LARGE1: variants seen among roughly 807,000 people sequenced by gnomAD.
The protein encoded by LARGE1 is LARGE xylosyl- and glucuronyltransferase 1.
In LARGE1, 43 loss-of-function variants were observed where a neutral mutation model predicts 87.6. That is an observed-to-expected ratio of 0.49 (90% CI 0.38 to 0.63). The LOEUF (loss-of-function observed/expected upper bound fraction) is 0.63, where lower values mean the gene tolerates loss of function less well. LARGE1 is among the 30% of genes least tolerant of loss of function. The probability of loss-of-function intolerance (pLI) is 0.00; values close to 1 mark genes in which losing one functional copy is unlikely to be tolerated. For synonymous variants in LARGE1, 434 were observed against 394.6 expected (o/e 1.10, Z -1.18); for missense variants, 802 against 1,000.2 (o/e 0.80, Z 2.67).
At chr22:33,475,759 T>C (rs749784659) in intron 6 of LARGE1, among the ~76,000 whole-genome samples, 2 of 152,180 alleles carry the variant, frequency 1.3e-5, no homozygotes, top group Non-Finnish European at 2.9e-5. Context: ...CCACCGCACC[T>C]GGCCTAACTC....
intron 5 of LARGE1, 35 bp downstream of exon 5, chr22:33,604,400 G>A (rs2079193888): frequency 1.2e-6 from 2 of 1,613,544 alleles, no homozygotes; most frequent in Non-Finnish European, 8.5e-7. Context: ...TCCAGCTAGA[G>A]GAGATCACGG....
intron 6 of LARGE1, among the ~76,000 whole-genome samples, chr22:33,452,979 G>A (rs2147935202): frequency 6.6e-6 from 1 of 152,302 alleles, no homozygotes; most frequent in Non-Finnish European, 1.5e-5. Context: ...AAGGCAGCAA[G>A]GAACCAGAGA....
intron 11 of LARGE1, among the ~76,000 whole-genome samples, chr22:33,220,693 A>T (rs1007617445): frequency 9.2e-5 from 14 of 152,204 alleles, no homozygotes; most frequent in African/African-American, 3.4e-4. Context: ...GAAGCTGCCC[A>T]TTGACTACTG....
chr22:33,659,455 C>T lies in LARGE1; in HGVS notation c.107-8787G>A, dbSNP rs535361051. On this transcript the variant is annotated intron_variant, in intron 2 of 14. Coordinates refer to ENST00000397394, the MANE Select transcript of LARGE1 (RefSeq NM_133642.5). ...TCCACAGGAGAGCTGAGTCTGCCAA[C>T]GTGTCATCAGCTTTTCTTTTCTAGG... Among the ~76,000 whole-genome samples, 3 of 152,188 alleles carry T rather than the reference C, an allele frequency of 2.0e-5. No individual in the cohort carries two copies. In the East Asian group the frequency reaches 5.8e-4, roughly 29 times the overall value.
At position 33,178,731 on chromosome 22, in the gene LARGE1, C is replaced by G. The variant is rs1328452295; in HGVS notation, c.1731-11899G>C. Reference sequence around the variant, plus strand: ...TAGAGTTGAATAATTTCTAGTATACCAATGTGAATTTAGTACTAATGCTGA... The same window carrying G: ...TAGAGTTGAATAATTTCTAGTATACGAATGTGAATTTAGTACTAATGCTGA... On this transcript the variant is annotated intron_variant, in intron 11 of 11. Transcript: ENST00000608642. Among the ~76,000 whole-genome samples the G allele has an allele frequency of 3.3e-5, 5 of 151,894 alleles. No individual in the cohort carries two copies. The South Asian group carries it at 6.3e-4, about 19-fold the overall frequency.
intron 11 of LARGE1, among the ~76,000 whole-genome samples, chr22:33,193,369 C>T (rs963010838): frequency 6.6e-6 from 1 of 151,838 alleles, no homozygotes. Flanking sequence ...GTAAAGAAAT[C>T]AAAGGAAGAA....
At chr22:33,100,555 T>C in the LARGE1 span, among the ~76,000 whole-genome samples, 1 of 152,060 alleles carries the variant, frequency 6.6e-6, no homozygotes, top group Admixed American at 6.5e-5. Context: ...GGAAGTTTTA[T>C]TGGACTGTAC....
At chr22:33,791,706 T>C (rs1318917222) in intron 1 of LARGE1, among the ~76,000 whole-genome samples, 4 of 152,196 alleles carry the variant, frequency 2.6e-5, no homozygotes, top group East Asian at 1.9e-4. Flanking sequence ...GAAATCATTA[T>C]AGACTTTCAT....
At chr22:33,864,149 G>A (rs545392980) in intron 1 of LARGE1, among the ~76,000 whole-genome samples, 1 of 152,232 alleles carries the variant, frequency 6.6e-6, no homozygotes, top group Admixed American at 6.5e-5. Flanking sequence ...AAGCTGGGAG[G>A]CAGGAAAGGT....
At chr22:33,436,913 A>G (rs2067292808) in intron 6 of LARGE1, among the ~76,000 whole-genome samples, 1 of 151,524 alleles carries the variant, frequency 6.6e-6, no homozygotes, top group African/African-American at 2.4e-5. Flanking sequence ...AGGACTCTAA[A>G]GTTGAGTCCT....
chr22:33,904,586 CAGA>C (rs1435966183), intron 1 of LARGE1, among the ~76,000 whole-genome samples: 1 of 152,162 alleles, frequency 6.6e-6, no homozygotes, highest in East Asian at 1.9e-4. Flanking sequence ...CAAGCCAATA[CAGA>C]AGAAGGCAGA....
chr22:33,899,362 T>G (rs2065226901), intron 1 of LARGE1, among the ~76,000 whole-genome samples: 1 of 152,200 alleles, frequency 6.6e-6, no homozygotes, highest in Non-Finnish European at 1.5e-5. Flanking sequence ...TTGAGCGGCC[T>G]CTTGGGAGTA....
At chr22:33,770,225 A>C (rs751676424) in intron 1 of LARGE1, among the ~76,000 whole-genome samples, 18 of 152,258 alleles carry the variant, frequency 1.2e-4, no homozygotes, top group Non-Finnish European at 2.2e-4. Context: ...TGTTGATATT[A>C]AAATGTGTAA....
the LARGE1 span, among the ~76,000 whole-genome samples, chr22:33,076,336 T>C: frequency 6.6e-6 from 1 of 152,168 alleles, no homozygotes; most frequent in Admixed American, 6.5e-5. Context: ...AGTATACTTG[T>C]GATGGGATTT....
chr22:33,144,288 G>T, the LARGE1 span, among the ~76,000 whole-genome samples: 2 of 152,054 alleles, frequency 1.3e-5, no homozygotes, highest in Admixed American at 1.3e-4. Flanking sequence ...CTTTCAAGGT[G>T]TAATTGATCA....
intron 4 of LARGE1, 145 bp from the exon 5 acceptor site, chr22:33,604,703 A>G (rs2079206268): frequency 8.9e-7 from 1 of 1,125,910 alleles, no homozygotes; most frequent in African/African-American, 1.5e-5. Flanking sequence ...TTACGAAAAC[A>G]GTGCTCACTG....
chr22:33,433,918 T>C (rs560732309), intron 6 of LARGE1, among the ~76,000 whole-genome samples: 2 of 152,318 alleles, frequency 1.3e-5, no homozygotes, highest in Admixed American at 6.5e-5. Context: ...ATCAATTTTA[T>C]TAAGCTCCTA....
intron 6 of LARGE1, among the ~76,000 whole-genome samples, chr22:33,533,625 T>TA (rs1412905008): frequency 6.6e-6 from 1 of 152,204 alleles, no homozygotes; most frequent in African/African-American, 2.4e-5. Context: ...CGGGAAACGT[T>TA]AGCCCAGCAA....
chr22:33,559,357 T>C (rs2077786790), intron 6 of LARGE1, among the ~76,000 whole-genome samples: 1 of 152,200 alleles, frequency 6.6e-6, no homozygotes, highest in Admixed American at 6.5e-5. Context: ...AGTTTTTGTA[T>C]TTTTAGTAGA....
Sources: gnomAD v4.1 joint callset for allele counts (sites outside exome capture counted in the v4.1 genomes callset) on GRCh38, gnomAD v4.1.1 for gene constraint, MANE v1.5 for transcripts, NCBI Gene and HGNC (gene_info 2026-07-23, HGNC 2026-07-21) for gene names.